The following UMODL1 variants were observed in gnomAD, a reference collection of about 807,000 sequenced individuals.
UMODL1 encodes the protein uromodulin like 1, also known as uromodulin-like 1.
UMODL1 carries 128 observed loss-of-function variants against 136.3 expected under a neutral mutation model. The ratio of observed to expected loss-of-function variants is 0.94; its 90% CI spans 0.81 to 1.09. The LOEUF (loss-of-function observed/expected upper bound fraction) is 1.09, where lower values mean the gene tolerates loss of function less well. Ranked by LOEUF, UMODL1 falls within the 50% of genes least tolerant of loss-of-function variation. The probability of loss-of-function intolerance (pLI) is 0.00; values close to 1 mark genes in which losing one functional copy is unlikely to be tolerated. For synonymous variants in UMODL1, 721 were observed against 720.0 expected (o/e 1.00, Z -0.02); for missense variants, 1,766 against 1,725.6 (o/e 1.02, Z -0.41).
In UMODL1 at chr21:42,108,550, C is replaced by T. The variant is rs1453505417; in HGVS notation, c.1520-1012C>T. ...GCCCAGAACTGAACTGGTCCTGCAT[C>T]GTGGCTTAAATTCCACCTGAATTGG... On this transcript the variant is annotated intron_variant, in intron 9 of 22. Transcript: ENST00000408910. The T allele has an allele frequency of 2.3e-5, 8 of 341,232 alleles. No homozygotes were observed. The East Asian group carries it at 3.8e-4, about 16-fold the overall frequency. The allele number at this position is 341,232 out of a possible 1,614,324, so 21.1% of individuals were successfully genotyped here.
At chr21:42,129,250 T>C (rs1300974368) in intron 20 of UMODL1, among the ~76,000 whole-genome samples, 1 of 152,126 alleles carries the variant, frequency 6.6e-6, no homozygotes, top group Non-Finnish European at 1.5e-5. Context: ...TTGGAGGACA[T>C]GTTGCAGCCC....
At chr21:42,082,623 C>T (rs1016299599) in intron 2 of UMODL1, among the ~76,000 whole-genome samples, 1 of 152,188 alleles carries the variant, frequency 6.6e-6, no homozygotes, top group East Asian at 1.9e-4. Flanking sequence ...CCCTCTGTGT[C>T]CTCCTCATGG....
rs1375744714 is a variant in UMODL1 at position 42,113,640 on chromosome 21, G to A, written c.2172G>A (p.Glu724=). The A allele has an allele frequency of 6.2e-7, 1 of 1,614,104 alleles. No homozygotes were observed. ...VTSTGFHLAW[E]ADLAMDSTFQ... is the part of the protein sequence containing the mutation. ...GCACCGGCTTCCACCTGGCATGGGA[G>A]GCGGATCTTGCTATGGACTCCACCT... Residue 724 remains glutamate (E), a synonymous_variant, in exon 13 of 23, where the codon GAG becomes GAA. Transcript: ENST00000408910.
Position 42,115,956 on chromosome 21 carries a change from C to G in UMODL1, c.2446C>G (p.Arg816Gly), listed in dbSNP as rs758810217. 1 of 1,613,684 alleles carries G rather than the reference C, an allele frequency of 6.2e-7. No homozygotes were observed. Among genetic ancestry groups the G allele is most frequent in the Non-Finnish European group, 8.5e-7 (1 of 1,179,880 alleles). ...TCGCAACGCAAGCAGCCAGGAGTAT[C>G]GAGATTTCCTAGAACTATTCTTCAG... The part of the protein sequence containing the change: ...SFRNASSQEY[R>G]DFLELFFRMV... Residue 816 changes from arginine to glycine, a missense_variant, in exon 14 of 23, where the codon CGA becomes GGA. By Grantham distance (125) the Arg-to-Gly change is moderately radical. Transcript: ENST00000408910.
At chr21:42,084,289 G>T (rs772948436) in intron 3 of UMODL1, 44 bp downstream of exon 3, 4 of 1,601,342 alleles carry the variant, frequency 2.5e-6, no homozygotes, top group Non-Finnish European at 3.4e-6. Flanking sequence ...AGCAAAGGCG[G>T]GTCTCGGTGA....
intron 9 of UMODL1, among the ~76,000 whole-genome samples, chr21:42,106,729 G>A (rs1014306866): frequency 2.0e-5 from 3 of 152,202 alleles, no homozygotes; most frequent in Non-Finnish European, 1.5e-5. Context: ...TGCTCACTTT[G>A]CCCCATAGGA....
At chr21:42,065,009 G>A (rs1038996310) in intron 1 of UMODL1, among the ~76,000 whole-genome samples, 3 of 152,176 alleles carry the variant, frequency 2.0e-5, no homozygotes, top group Admixed American at 1.3e-4. Context: ...AATCCTTGCG[G>A]CTGGGGGAAT....
chr21:42,134,006 C>T (rs2067169520), intron 21 of UMODL1, among the ~76,000 whole-genome samples: 1 of 152,194 alleles, frequency 6.6e-6, no homozygotes, highest in East Asian at 1.9e-4. Flanking sequence ...CAACATCTGC[C>T]TCCTAGGTTC....
At chr21:42,083,066 C>A (rs547985797) in intron 2 of UMODL1, among the ~76,000 whole-genome samples, 1 of 152,206 alleles carries the variant, frequency 6.6e-6, no homozygotes, top group Non-Finnish European at 1.5e-5. Flanking sequence ...AGGCTGGCCG[C>A]GTTTCTGTGT....
In UMODL1 at chr21:42,122,828, C is replaced by T; in HGVS notation, c.2828-3C>T. The stretch of plus-strand genomic sequence containing the variant: ...TTTGCCTTTTCCTCCTTGTGCCTTG[C>T]AGGTGACTCTCCTGGCAATGAAACC... On this transcript the variant is annotated splice_polypyrimidine_tract_variant and splice_region_variant and intron_variant, in intron 16 of 22. Coordinates refer to ENST00000408910, the MANE Select transcript of UMODL1 (RefSeq NM_001004416.3). The surrounding 1 kb of genome is among the most constrained non-coding windows in gnomAD (Gnocchi z 4.3). The T allele has an allele frequency of 6.3e-7, 1 of 1,588,982 alleles. No individual in the cohort carries two copies. Among genetic ancestry groups the T allele is most frequent in the Non-Finnish European group, 8.6e-7 (1 of 1,165,434 alleles).
rs1483877066 is a variant in UMODL1, at chr21:42,099,192, AGTCAGAGACCCAC to A, written c.1186+15_1186+27del. 6.2e-7 allele frequency: 1 copy of A among 1,608,340 alleles called. No individual in the cohort carries two copies. Among genetic ancestry groups the A allele is most frequent in the Non-Finnish European group, 8.5e-7 (1 of 1,176,806 alleles). On this transcript the variant is annotated intron_variant, in intron 7 of 22. Transcript: ENST00000408910. This position sits in a 1 kb window ranked among gnomAD's most constrained non-coding sequence, Gnocchi z 4.1. ...GACCATCAAAACCAGTAAGGCCCCC[AGTCAGAGACCCAC>A]GTTAGCTTGCGAGCTTGTCTTTCTA...
intron 15 of UMODL1, 111 bp from the exon 16 acceptor site, chr21:42,120,976 G>A: frequency 7.3e-7 from 1 of 1,373,216 alleles, no homozygotes; most frequent in Non-Finnish European, 9.9e-7. Flanking sequence ...AGTCTGCTGT[G>A]GCTGGAGTTT....
At position 42,075,997 on chromosome 21, in the gene UMODL1, T is replaced by C. The variant is rs2066286140; in HGVS notation, c.77-8T>C. 1 of 1,612,366 alleles carries C rather than the reference T, an allele frequency of 6.2e-7. No individual in the cohort carries two copies. Among genetic ancestry groups the C allele is most frequent in the Non-Finnish European group, 8.5e-7 (1 of 1,178,580 alleles). ...TTCTCAGTCGCCTTCTTGCTTGGCC[T>C]CTTTCAGAAAAAGGCCTCTCCCTGT... On this transcript the variant is annotated splice_region_variant and splice_polypyrimidine_tract_variant and intron_variant, in intron 1 of 22. Coordinates refer to ENST00000408910, the MANE Select transcript of UMODL1 (RefSeq NM_001004416.3).
intron 17 of UMODL1, among the ~76,000 whole-genome samples, chr21:42,125,104 C>G (rs1049458307): frequency 6.6e-6 from 1 of 152,110 alleles, no homozygotes; most frequent in Non-Finnish European, 1.5e-5. Flanking sequence ...CTGGATGGGT[C>G]AAAGCTGTCA....
At chr21:42,121,518 C>T (rs1192202406) in intron 16 of UMODL1, among the ~76,000 whole-genome samples, 2 of 152,206 alleles carry the variant, frequency 1.3e-5, no homozygotes, top group East Asian at 1.9e-4. Context: ...TATACACATA[C>T]ATGAGGTGTG....
At chr21:42,100,020 C>T (rs971967464) in intron 7 of UMODL1, among the ~76,000 whole-genome samples, 3 of 152,146 alleles carry the variant, frequency 2.0e-5, no homozygotes, top group Non-Finnish European at 2.9e-5. Flanking sequence ...TGGGTCTGTC[C>T]CGGGCAGCCC....
Position 42,137,517 on chromosome 21 carries a change from C to T in UMODL1, c.3854C>T (p.Ala1285Val), listed in dbSNP as rs202039537. ...LIVVAIFVLV[A>V]GTATLLIVRY... ...GTGGTGGCCATCTTCGTGCTGGTGG[C>T]GGGAACAGCCACCCTTCTGATCGTG... The change falls in exon 22 of 23, where the codon GCG becomes GTG. Residue 1285 changes from alanine (A) to valine (V), a missense_variant. Ala to Val is a moderately conservative substitution (Grantham distance 64, BLOSUM62 0). Transcript: ENST00000408910. 1,774 of 1,614,188 alleles carry T rather than the reference C, an allele frequency of 1.1e-3. 3 individuals carry two copies. Among genetic ancestry groups the T allele is most frequent in the Middle Eastern group, 1.6e-3 (10 of 6,062 alleles).
At chr21:42,071,651 G>A (rs553753933) in intron 1 of UMODL1, among the ~76,000 whole-genome samples, 19 of 152,196 alleles carry the variant, frequency 1.2e-4, no homozygotes, top group South Asian at 1.2e-3. Flanking sequence ...CTGGGCGTTC[G>A]TGGGGGTAAA....
Position 42,122,591 on chromosome 21 carries a change from GTGC to G in UMODL1, c.2828-239_2828-237del, listed in dbSNP as rs1488725720. 5.4e-5 allele frequency among the ~76,000 whole-genome samples: 8 copies of G among 147,142 alleles called. No homozygotes were observed. Among genetic ancestry groups the G allele is most frequent in the African/African-American group, 1.9e-4 (7 of 37,140 alleles). On this transcript the variant is annotated intron_variant, in intron 16 of 22. Coordinates refer to ENST00000408910, the MANE Select transcript of UMODL1 (RefSeq NM_001004416.3). This position sits in a 1 kb window ranked among gnomAD's most constrained non-coding sequence, Gnocchi z 4.3. ...TGTGTGCGTGCGTGTGTGCATGTGT[GTGC>G]ATGTGTGTGCATCTCTGCGTGCATG...
Sources: allele counts gnomAD v4.1 joint callset (sites outside exome capture counted in the v4.1 genomes callset), GRCh38; gene constraint gnomAD v4.1.1; non-coding constraint Gnocchi (gnomAD v3.1); transcripts MANE v1.5; gene names NCBI Gene and HGNC (gene_info 2026-07-23, HGNC 2026-07-21).